Variants in EXOC6B observed in about 807,000 individuals in gnomAD.
EXOC6B encodes exocyst complex component 6B, also known as SEC15 homolog B.
EXOC6B carries 54 observed loss-of-function variants against 113.5 expected under a neutral mutation model. The ratio of observed to expected loss-of-function variants is 0.48; its 90% CI spans 0.38 to 0.60. The LOEUF (loss-of-function observed/expected upper bound fraction) is 0.60. Among genes scored for constraint, EXOC6B ranks in the 20% least tolerant of loss-of-function variants. The pLI, the probability that EXOC6B is intolerant of heterozygous loss-of-function variation, is 0.00. For missense variants in EXOC6B, 797 were observed against 977.5 expected (o/e 0.82, Z 2.46); for synonymous variants, 357 against 339.0 (o/e 1.05, Z -0.58).
intron 5 of EXOC6B, among the ~76,000 whole-genome samples, chr2:72,722,371 T>C (rs539260818): frequency 3.5e-4 from 53 of 152,176 alleles, no homozygotes; most frequent in Non-Finnish European, 5.6e-4. Flanking sequence ...TTAAGAATGA[T>C]TTTCACAGCA....
intron 18 of EXOC6B, among the ~76,000 whole-genome samples, chr2:72,400,537 T>A (rs897546883): frequency 2.0e-5 from 3 of 151,796 alleles, no homozygotes; most frequent in African/African-American, 7.3e-5. Flanking sequence ...TTGCAAGCTA[T>A]GCATCTGACA....
At chr2:72,209,159 G>A (rs1680008053) in intron 20 of EXOC6B, among the ~76,000 whole-genome samples, 1 of 140,910 alleles carries the variant, frequency 7.1e-6, no homozygotes, top group Admixed American at 7.5e-5. Flanking sequence ...GGAGGCAGAG[G>A]TTGTGGTGAG....
At chr2:72,648,596 A>C (rs1046757292) in intron 6 of EXOC6B, among the ~76,000 whole-genome samples, 10 of 152,174 alleles carry the variant, frequency 6.6e-5, no homozygotes, top group Non-Finnish European at 1.5e-4. Flanking sequence ...AATACTATGC[A>C]CTCCCATGTT....
intron 18 of EXOC6B, among the ~76,000 whole-genome samples, chr2:72,405,774 C>G (rs1345019964): frequency 6.6e-6 from 1 of 152,152 alleles, no homozygotes; most frequent in Admixed American, 6.5e-5. Context: ...ACCATCGATG[C>G]TAGGAAGAAA....
chr2:72,567,255 A>C (rs141397498), intron 7 of EXOC6B, among the ~76,000 whole-genome samples: 8 of 152,216 alleles, frequency 5.3e-5, no homozygotes, highest in African/African-American at 1.9e-4. Context: ...AGTACTCTGA[A>C]CTATACAGAT....
intron 1 of EXOC6B, among the ~76,000 whole-genome samples, chr2:72,787,402 G>A (rs1358404470): frequency 6.6e-6 from 1 of 151,832 alleles, no homozygotes; most frequent in Non-Finnish European, 1.5e-5. Context: ...GTTTCACCAT[G>A]TTGGCTAGGC....
intron 6 of EXOC6B, among the ~76,000 whole-genome samples, chr2:72,669,600 A>G (rs554215526): frequency 8.5e-5 from 13 of 152,366 alleles, no homozygotes; most frequent in African/African-American, 2.6e-4. Flanking sequence ...ATGTTAAAAC[A>G]TGATGCCATA....
chr2:72,418,020 T>C (rs147709401), intron 18 of EXOC6B, among the ~76,000 whole-genome samples: 1 of 152,326 alleles, frequency 6.6e-6, no homozygotes, highest in Non-Finnish European at 1.5e-5. Flanking sequence ...ATGTTTGGAC[T>C]CATTACTATC....
In EXOC6B at chr2:72,403,520, C is replaced by G. The variant is rs1038543485; in HGVS notation, c.1981-23650G>C. ...TGGGAAACATAGTGAGACCTCATCT[C>G]TACAAAAATAAAAATAAAAAATAAA... On this transcript the variant is annotated intron_variant, in intron 18 of 21. Transcript: ENST00000272427. Among the ~76,000 whole-genome samples, 107 of 152,028 alleles carry G rather than the reference C, an allele frequency of 7.0e-4. 2 individuals carry two copies. The highest frequency in any genetic ancestry group is 5.2e-3 in the East Asian group (27 of 5,174).
At chr2:72,699,431 T>TCGCGCCACTGCATCCCAGCCTGGG (rs1678134255) in intron 6 of EXOC6B, among the ~76,000 whole-genome samples, 1 of 146,774 alleles carries the variant, frequency 6.8e-6, no homozygotes, top group African/African-American at 2.5e-5. Flanking sequence ...TGAGCCAAGA[T>TCGCGCCACTGCATCCCAGCCTGGG]CGCGCCACTG....
At chr2:72,645,931 T>C (rs978895466) in intron 6 of EXOC6B, among the ~76,000 whole-genome samples, 1 of 151,762 alleles carries the variant, frequency 6.6e-6, no homozygotes, top group Non-Finnish European at 1.5e-5. Flanking sequence ...AGGCAACAAA[T>C]AACTAAGATC....
intron 19 of EXOC6B, among the ~76,000 whole-genome samples, chr2:72,372,407 A>G (rs1259341528): frequency 2.0e-5 from 3 of 152,208 alleles, no homozygotes; most frequent in Admixed American, 6.5e-5. Flanking sequence ...CATATTACCT[A>G]ACTTCAAATC....
rs559033275 is a variant in EXOC6B at position 72,422,011 on chromosome 2, C to G, written c.1981-42141G>C. ...GGGTGTACTGGGTCCCCCAGCAGTG[C>G]CAGCCCACCGGTGCTGCGCTCGATT... is the stretch of plus-strand genomic sequence containing the variant. On this transcript the variant is annotated intron_variant, in intron 18 of 21. Coordinates refer to ENST00000272427, the MANE Select transcript of EXOC6B (RefSeq NM_015189.3). Among the ~76,000 whole-genome samples the G allele has an allele frequency of 5.6e-4, 85 of 152,342 alleles. 2 individuals are homozygous for G. Among genetic ancestry groups the G allele is most frequent in the Middle Eastern group, 3.4e-3 (1 of 294 alleles).
chr2:72,392,849 G>T (rs946869619), intron 18 of EXOC6B, among the ~76,000 whole-genome samples: 11 of 151,988 alleles, frequency 7.2e-5, no homozygotes, highest in African/African-American at 2.7e-4. Context: ...TAATCCCTGT[G>T]TATGACCTCA....
intron 18 of EXOC6B, among the ~76,000 whole-genome samples, chr2:72,400,452 A>C (rs1693059731): frequency 6.6e-6 from 1 of 152,144 alleles, no homozygotes; most frequent in African/African-American, 2.4e-5. Flanking sequence ...AACTTAATTA[A>C]ACTAGAAAGC....
chr2:72,731,131 CCTT>C, intron 4 of EXOC6B, 21 bp downstream of exon 4: 1 of 1,600,232 alleles, frequency 6.2e-7, no homozygotes, highest in East Asian at 2.2e-5. Context: ...CACCAAGAAT[CCTT>C]CTCCATTTCC....
At chr2:72,501,324 C>T (rs1156680163) in intron 11 of EXOC6B, among the ~76,000 whole-genome samples, 2 of 152,032 alleles carry the variant, frequency 1.3e-5, no homozygotes, top group African/African-American at 4.8e-5. Flanking sequence ...GGCAAACCCA[C>T]CCCTTGCCCT....
chr2:72,365,840 A>G (rs1373725835), intron 19 of EXOC6B, among the ~76,000 whole-genome samples: 1 of 152,168 alleles, frequency 6.6e-6, no homozygotes, highest in Non-Finnish European at 1.5e-5. Flanking sequence ...AAGCTATCCA[A>G]AGCATCATGC....
At chr2:72,773,115 A>ATT (rs1683493598) in intron 1 of EXOC6B, among the ~76,000 whole-genome samples, 1 of 118,256 alleles carries the variant, frequency 8.5e-6, no homozygotes, top group African/African-American at 3.7e-5. Flanking sequence ...TAGACCTTAG[A>ATT]TTTTCTTTTT....
Sources: allele counts gnomAD v4.1 joint callset (sites outside exome capture counted in the v4.1 genomes callset), GRCh38; gene constraint gnomAD v4.1.1; transcripts MANE v1.5; gene names NCBI Gene and HGNC (gene_info 2026-07-23, HGNC 2026-07-21).